FAF1: variants seen among roughly 807,000 people sequenced by gnomAD.
FAF1 encodes the protein FAS-associated factor 1.
FAF1 carries 25 observed loss-of-function variants against 92.5 expected under a neutral mutation model. The ratio of observed to expected loss-of-function variants is 0.27; its 90% CI spans 0.20 to 0.38. FAF1 has a LOEUF of 0.38. Ranked by LOEUF, FAF1 falls within the 10% of genes least tolerant of loss-of-function variation. FAF1 has a pLI of 1.00. For missense variants in FAF1, 636 were observed against 793.3 expected, an observed-to-expected ratio of 0.80 and a Z score of 2.38; for synonymous variants, 234 against 273.2, an observed-to-expected ratio of 0.86 and a Z score of 1.42.
At chr1:50,463,917 C>A (rs79643985) in intron 18 of FAF1, among the ~76,000 whole-genome samples, 7,303 of 152,244 alleles carry the variant, frequency 0.048, 211 homozygotes, top group East Asian at 0.075. Context: ...TTCCATGTAA[C>A]CCTAGCTGAG....
At chr1:50,758,183 G>C (rs1660156501) in intron 4 of FAF1, among the ~76,000 whole-genome samples, 1 of 152,172 alleles carries the variant, frequency 6.6e-6, no homozygotes, top group African/African-American at 2.4e-5. Flanking sequence ...CTCCCAAAGT[G>C]CTGGGATTAG....
intron 18 of FAF1, among the ~76,000 whole-genome samples, chr1:50,449,489 C>CTTTTTT (rs373425527): frequency 1.6e-5 from 2 of 124,616 alleles, no homozygotes; most frequent in Admixed American, 7.9e-5. Flanking sequence ...CTTTTTCTTT[C>CTTTTTT]TTTTTTTTTT....
intron 18 of FAF1, chr1:50,470,917 T>A (rs189298352): frequency 7.2e-5 from 11 of 152,244 alleles, no homozygotes; most frequent in Non-Finnish European, 1.2e-4. Context: ...TATAATACTT[T>A]CCGTTATCAC....
intron 2 of FAF1, among the ~76,000 whole-genome samples, chr1:50,837,261 TTA>T (rs1644215801): frequency 1.3e-5 from 2 of 152,046 alleles, no homozygotes; most frequent in South Asian, 2.1e-4. Flanking sequence ...CGGCCATATG[TTA>T]TGTTTCTTGT....
intron 18 of FAF1, among the ~76,000 whole-genome samples, chr1:50,475,131 C>T (rs768316214): frequency 3.3e-5 from 5 of 152,204 alleles, no homozygotes; most frequent in African/African-American, 1.2e-4. Context: ...ACATACAATT[C>T]TCAGGTATAT....
intron 1 of FAF1, among the ~76,000 whole-genome samples, chr1:50,905,751 TAA>T (rs1282223001): frequency 6.6e-6 from 1 of 152,262 alleles, no homozygotes; most frequent in Admixed American, 6.5e-5. Context: ...TAAATATGTT[TAA>T]GTTCTTTGTA....
Position 50,836,951 on chromosome 1 carries a change from C to CTTTTTTTT in FAF1, c.114+20970_114+20977dup, listed in dbSNP as rs528322924. ...TCTCTTACAAGTGTATGTTATGTTT[C>CTTTTTTTT]TTTTTTTTTTTTTTTTTTTTTTTTG... On this transcript the variant is annotated intron_variant, in intron 2 of 18. Coordinates refer to ENST00000396153, the MANE Select transcript of FAF1 (RefSeq NM_007051.3). Among the ~76,000 whole-genome samples, 116 of 76,674 alleles carry CTTTTTTTT rather than the reference C, an allele frequency of 1.5e-3. 1 individual carries two copies. The highest frequency in any genetic ancestry group is 2.2e-3 in the African/African-American group (43 of 19,330). The allele number at this position is 76,674 out of a possible 152,430, so 50.3% of individuals were successfully genotyped here. A position where few individuals can be genotyped will look rare whatever the true frequency, so the allele number is the denominator to read the frequency against.
intron 8 of FAF1, chr1:50,612,380 C>T (rs773400189): frequency 1.6e-5 from 19 of 1,221,446 alleles, no homozygotes; most frequent in Non-Finnish European, 1.8e-5. Context: ...AAAGAGGTTC[C>T]GTTAGTGGAG....
At chr1:50,647,108 C>T (rs1654633221) in intron 8 of FAF1, among the ~76,000 whole-genome samples, 1 of 152,138 alleles carries the variant, frequency 6.6e-6, no homozygotes, top group South Asian at 2.1e-4. Context: ...CTCAGCCTCC[C>T]AAACCGCTGG....
intron 15 of FAF1, among the ~76,000 whole-genome samples, chr1:50,509,486 C>T (rs576294552): frequency 6.6e-4 from 101 of 152,244 alleles, no homozygotes; most frequent in African/African-American, 2.4e-3. Flanking sequence ...GTGGCACACA[C>T]TTGTGGTCCC....
At chr1:50,517,143 T>A (rs1307451364) in intron 15 of FAF1, among the ~76,000 whole-genome samples, 1 of 152,220 alleles carries the variant, frequency 6.6e-6, no homozygotes, top group Non-Finnish European at 1.5e-5. Context: ...CATGTACAAA[T>A]TTTTTAAAAG....
intron 8 of FAF1, among the ~76,000 whole-genome samples, chr1:50,630,485 T>A (rs1027545885): frequency 6.6e-6 from 1 of 152,146 alleles, no homozygotes; most frequent in Non-Finnish European, 1.5e-5. Flanking sequence ...AATATAACCG[T>A]TTTTTAACAT....
At chr1:50,678,394 A>C (rs75009771) in intron 7 of FAF1, among the ~76,000 whole-genome samples, 105 of 152,294 alleles carry the variant, frequency 6.9e-4, no homozygotes, top group African/African-American at 2.3e-3. Flanking sequence ...TATCCAAAAC[A>C]TACAAATTAG....
chr1:50,879,713 A>G (rs1175253861), intron 1 of FAF1, among the ~76,000 whole-genome samples: 1 of 152,216 alleles, frequency 6.6e-6, no homozygotes, highest in Non-Finnish European at 1.5e-5. Context: ...CAGCATCAGC[A>G]TCACCTGAGA....
At chr1:50,762,178 T>G (rs907079480) in intron 4 of FAF1, among the ~76,000 whole-genome samples, 34 of 151,960 alleles carry the variant, frequency 2.2e-4, no homozygotes, top group East Asian at 9.6e-4. Context: ...CACTGCTCAG[T>G]GAAATAAAAG....
At chr1:50,764,650 T>C (rs930395485) in intron 4 of FAF1, among the ~76,000 whole-genome samples, 4 of 152,232 alleles carry the variant, frequency 2.6e-5, no homozygotes, top group Admixed American at 6.5e-5. Flanking sequence ...CGCTGCCTAA[T>C]GCCCAATGCC....
intron 7 of FAF1, among the ~76,000 whole-genome samples, chr1:50,693,650 T>C (rs1279191258): frequency 2.0e-5 from 3 of 152,094 alleles, no homozygotes; most frequent in Non-Finnish European, 4.4e-5. Flanking sequence ...ATTAAAAAAA[T>C]TGATTTATAG....
At chr1:50,760,031 C>T (rs779073983) in intron 4 of FAF1, among the ~76,000 whole-genome samples, 25 of 152,026 alleles carry the variant, frequency 1.6e-4, no homozygotes, top group Non-Finnish European at 3.1e-4. Flanking sequence ...TGTTTGAGTT[C>T]ACTGTAGATT....
chr1:50,841,664 G>C (rs1644257075), intron 2 of FAF1, among the ~76,000 whole-genome samples: 1 of 151,850 alleles, frequency 6.6e-6, no homozygotes, highest in Non-Finnish European at 1.5e-5. Flanking sequence ...AAGATATGAA[G>C]TTATCTGAAA....
Sources: gnomAD v4.1 joint callset for allele counts (sites outside exome capture counted in the v4.1 genomes callset) on GRCh38, gnomAD v4.1.1 for gene constraint, MANE v1.5 for transcripts, NCBI Gene and HGNC (gene_info 2026-07-23, HGNC 2026-07-21) for gene names.